MAPRE1: variants seen among roughly 807,000 people sequenced by gnomAD.
MAPRE1 encodes microtubule-associated protein RP/EB family member 1.
In MAPRE1, 5 loss-of-function variants were observed where a neutral mutation model predicts 32.1. That is an observed-to-expected ratio of 0.16 (90% CI 0.08 to 0.33). The LOEUF is 0.33. MAPRE1 is among the 10% of genes least tolerant of loss of function. The probability of loss-of-function intolerance (pLI) is 1.00; values close to 1 mark genes in which losing one functional copy is unlikely to be tolerated. For missense variants in MAPRE1, 209 were observed against 327.2 expected (o/e 0.64, Z 2.79); for synonymous variants, 122 against 118.9 (o/e 1.03, Z -0.17).
At chr20:32,825,789 CAAAAT>C (rs201982572) in intron 1 of MAPRE1, 131 bp from the exon 2 acceptor site, 127 of 627,014 alleles carry the variant, frequency 2.0e-4, no homozygotes, top group South Asian at 3.1e-4. Context: ...GACTCTGTCT[CAAAAT>C]AAAATAAAAT....
chr20:32,844,704 G>A (rs1188997056), intron 5 of MAPRE1, among the ~76,000 whole-genome samples: 1 of 152,034 alleles, frequency 6.6e-6, no homozygotes, highest in Non-Finnish European at 1.5e-5. Context: ...GAGCCACTGC[G>A]CCTGGCCAGC....
chr20:32,837,348 C>T (rs956813027), intron 4 of MAPRE1, among the ~76,000 whole-genome samples: 5 of 152,162 alleles, frequency 3.3e-5, no homozygotes, highest in African/African-American at 1.2e-4. Flanking sequence ...CACAGCTTCC[C>T]TACCTGCCCT....
chr20:32,821,164 C>T (rs535816909), intron 1 of MAPRE1, among the ~76,000 whole-genome samples: 1 of 152,176 alleles, frequency 6.6e-6, no homozygotes, highest in Non-Finnish European at 1.5e-5. Flanking sequence ...TACAGGCGCG[C>T]GCCACCAAGC....
chr20:32,846,241 C>T (rs1983502382), intron 5 of MAPRE1, among the ~76,000 whole-genome samples: 1 of 152,188 alleles, frequency 6.6e-6, no homozygotes. Flanking sequence ...TATTGACCCC[C>T]TCATGCAATC....
At chr20:32,848,130 T>C (rs1202313110) in intron 6 of MAPRE1, among the ~76,000 whole-genome samples, 1 of 151,948 alleles carries the variant, frequency 6.6e-6, no homozygotes, top group Admixed American at 6.6e-5. Context: ...CACTGCAGCT[T>C]TGACCTCCTG....
intron 1 of MAPRE1, among the ~76,000 whole-genome samples, chr20:32,824,740 T>G (rs35229267): frequency 0.012 from 1,835 of 150,828 alleles, 17 homozygotes; most frequent in Non-Finnish European, 0.02. Flanking sequence ...ACTCAGGCGC[T>G]CCTCCCACGT....
intron 2 of MAPRE1, among the ~76,000 whole-genome samples, chr20:32,830,485 C>A (rs1032770076): frequency 7.9e-5 from 12 of 152,316 alleles, no homozygotes; most frequent in Non-Finnish European, 4.4e-5. Context: ...TTCCATCTTT[C>A]TTCCAGTGTC....
In MAPRE1 at chr20:32,829,046, G is replaced by A. The variant is rs1434856425; in HGVS notation, c.121+2998G>A. ...AGCGATTCTCCTGCCTCAGACTCCTGAGGAGCTGGGATTACAGGTGCGTGC... is the reference window on the plus strand; with the variant it reads ...AGCGATTCTCCTGCCTCAGACTCCTAAGGAGCTGGGATTACAGGTGCGTGC... On this transcript the variant is annotated intron_variant, in intron 2 of 6. Transcript: ENST00000375571. Among the ~76,000 whole-genome samples the A allele has an allele frequency of 2.0e-5, 3 of 151,904 alleles. No individual in the cohort carries two copies. In the East Asian group the frequency reaches 5.8e-4, roughly 29 times the overall value.
At position 32,834,626 on chromosome 20, in the gene MAPRE1, G is replaced by GT. The variant is rs746380174; in HGVS notation, c.267+773dup. 4.2e-4 allele frequency among the ~76,000 whole-genome samples: 64 copies of GT among 150,600 alleles called. 1 individual carries two copies. In the East Asian group the frequency reaches 6.8e-3, roughly 16 times the overall value. ...GGTTTTTATTTATTTTGAAATCAGG[G>GT]TTTTTTTTTAATTTTAGTTTTGTCT... On this transcript the variant is annotated intron_variant, in intron 3 of 6. Coordinates refer to ENST00000375571, the MANE Select transcript of MAPRE1 (RefSeq NM_012325.3).
At chr20:32,846,597 C>A (rs1401021954) in intron 5 of MAPRE1, 21 bp from the exon 6 acceptor site, 8 of 1,612,176 alleles carry the variant, frequency 5.0e-6, no homozygotes, top group Non-Finnish European at 6.8e-6. Flanking sequence ...AGCATCTCAC[C>A]CTTTTTAATG....
At chr20:32,836,395 T>C (rs984346065) in intron 3 of MAPRE1, among the ~76,000 whole-genome samples, 4 of 152,238 alleles carry the variant, frequency 2.6e-5, no homozygotes, top group Non-Finnish European at 5.9e-5. Flanking sequence ...TACTTGTTCC[T>C]TTTTTGTTTC....
intron 2 of MAPRE1, among the ~76,000 whole-genome samples, chr20:32,831,958 A>C (rs1052191349): frequency 2.0e-5 from 3 of 151,890 alleles, no homozygotes; most frequent in Non-Finnish European, 2.9e-5. Context: ...AAAAAAAAAA[A>C]AAAAAACAAA....
intron 2 of MAPRE1, among the ~76,000 whole-genome samples, chr20:32,832,466 CTT>C (rs34257028): frequency 0.06 from 7,827 of 130,462 alleles, 245 homozygotes; most frequent in African/African-American, 0.12. Context: ...ACAGTAGTCT[CTT>C]TTTTTTTTTT....
chr20:32,841,252 T>G (rs564266458), intron 5 of MAPRE1, among the ~76,000 whole-genome samples: 1 of 152,304 alleles, frequency 6.6e-6, no homozygotes, highest in Non-Finnish European at 1.5e-5. Context: ...GCTGTTACTT[T>G]GAAGTACAGA....
At chr20:32,825,149 CAA>C (rs542454683) in intron 1 of MAPRE1, among the ~76,000 whole-genome samples, 16 of 81,354 alleles carry the variant, frequency 2.0e-4, no homozygotes, top group Non-Finnish European at 3.3e-4. Context: ...AAGACTGTCT[CAA>C]AAAAAAAAAA....
chr20:32,842,297 G>A (rs1374154910), intron 5 of MAPRE1, among the ~76,000 whole-genome samples: 1 of 152,148 alleles, frequency 6.6e-6, no homozygotes, highest in African/African-American at 2.4e-5. Context: ...GTGTTAGCCA[G>A]GATGGTCTCG....
intron 2 of MAPRE1, among the ~76,000 whole-genome samples, chr20:32,831,947 CAAAAAAA>C (rs58685497): frequency 1.8e-5 from 2 of 111,610 alleles, no homozygotes; most frequent in Admixed American, 9.4e-5. Context: ...TCGTCCGTTT[CAAAAAAA>C]AAAAAAAAAA....
At chr20:32,837,510 T>C (rs896331133) in intron 4 of MAPRE1, among the ~76,000 whole-genome samples, 1 of 152,126 alleles carries the variant, frequency 6.6e-6, no homozygotes, top group Non-Finnish European at 1.5e-5. Context: ...AGAATGTGTA[T>C]ATTTTGGGGC....
intron 3 of MAPRE1, among the ~76,000 whole-genome samples, chr20:32,834,262 C>T (rs1183394588): frequency 6.6e-6 from 1 of 152,110 alleles, no homozygotes; most frequent in Non-Finnish European, 1.5e-5. Context: ...GGCTCACACC[C>T]GTAATCCCAG....
Sources: allele counts gnomAD v4.1 joint callset (sites outside exome capture counted in the v4.1 genomes callset), GRCh38; gene constraint gnomAD v4.1.1; transcripts MANE v1.5; gene names NCBI Gene and HGNC (gene_info 2026-07-23, HGNC 2026-07-21).